RBBP6: variants seen among roughly 807,000 people sequenced by gnomAD.
RBBP6 encodes the protein RB binding protein 6, ubiquitin ligase.
A neutral mutation model predicts 167.7 loss-of-function variants in RBBP6; 25 were observed. The ratio of observed to expected loss-of-function variants is 0.15; its 90% CI spans 0.11 to 0.21. The LOEUF is 0.21. RBBP6 is among the 10% of genes least tolerant of loss of function. The pLI is 1.00. For missense variants in RBBP6, 1,868 were observed against 2,134.2 expected (o/e 0.88, Z 2.46); for synonymous variants, 789 against 735.8 (o/e 1.07, Z -1.17).
In RBBP6 at chr16:24,571,921, A is replaced by G. The variant is rs1262219843; in HGVS notation, c.4855A>G (p.Ser1619Gly). The G allele has an allele frequency of 1.9e-6, 3 of 1,614,052 alleles. No individual in the cohort carries two copies. The highest frequency in any genetic ancestry group is 3.3e-5 in the Admixed American group (2 of 60,004). ...TACTGTCAAGCCTAAACCCCAGTTAAGTCATTCCTCTAGACTTTCCTCTGA... is the reference window on the plus strand; with the variant it reads ...TACTGTCAAGCCTAAACCCCAGTTAGGTCATTCCTCTAGACTTTCCTCTGA... The part of the protein sequence containing the change: ...KSTVKPKPQL[S>G]HSSRLSSDLT... Residue 1619 changes from serine (S) to glycine (G), a missense_variant, in exon 18 of 18, where the codon AGT (serine) becomes GGT (glycine). By Grantham distance (56) the Ser-to-Gly change is moderately conservative (BLOSUM62 0). Coordinates refer to ENST00000319715, the MANE Select transcript of RBBP6 (RefSeq NM_006910.5).
At chr16:24,546,325 G>GA (rs1267285676) in intron 2 of RBBP6, 63 bp downstream of exon 2, 47 of 1,429,088 alleles carry the variant, frequency 3.3e-5, no homozygotes, top group Non-Finnish European at 3.8e-5. Flanking sequence ...AATTTTGTGA[G>GA]AAAAAACTGT....
chr16:24,544,907 C>A (rs1369726138), intron 1 of RBBP6, among the ~76,000 whole-genome samples: 1 of 152,138 alleles, frequency 6.6e-6, no homozygotes, highest in Non-Finnish European at 1.5e-5. Context: ...TTCATCTCCC[C>A]CATATTCGGT....
chr16:24,545,112 T>C (rs1426053167), intron 1 of RBBP6, among the ~76,000 whole-genome samples: 4 of 152,062 alleles, frequency 2.6e-5, no homozygotes, highest in Non-Finnish European at 5.9e-5. Context: ...AGAGTCTTGC[T>C]CTGTCACCAG....
chr16:24,567,856 A>C lies in RBBP6; in HGVS notation c.2017A>C (p.Lys673Gln). 6.2e-7 allele frequency: 1 copy of C among 1,613,798 alleles called. No individual in the cohort carries two copies. Among genetic ancestry groups the C allele is most frequent in the Non-Finnish European group, 8.5e-7 (1 of 1,179,776 alleles). ...TTTTGCTAAGGAATTGATGGAATAC[A>C]AAAAGATTCAAAAGGAGCGTAGGCG... is the stretch of plus-strand genomic sequence containing the variant. Reference protein sequence around the residue: ...NDFAKELMEYKKIQKERRRSF... With the variant: ...NDFAKELMEYQKIQKERRRSF... Residue 673 changes from lysine (K) to glutamine (Q), a missense_variant, in exon 16 of 18, where the codon AAA (lysine) becomes CAA (glutamine). Lys to Gln is a moderately conservative substitution (Grantham distance 53). Transcript: ENST00000319715.
chr16:24,550,928 C>T (rs2141460963), intron 3 of RBBP6, among the ~76,000 whole-genome samples: 1 of 151,934 alleles, frequency 6.6e-6, no homozygotes, highest in South Asian at 2.1e-4. Flanking sequence ...GTGGATTGTA[C>T]ACATTCACAA....
chr16:24,544,804 T>C (rs1459014531), intron 1 of RBBP6, among the ~76,000 whole-genome samples: 2 of 152,096 alleles, frequency 1.3e-5, no homozygotes, highest in Non-Finnish European at 2.9e-5. Flanking sequence ...TCCCTCTTGG[T>C]TTTCCCAGAA....
intron 1 of RBBP6, among the ~76,000 whole-genome samples, chr16:24,543,570 C>T (rs1898559094): frequency 6.6e-6 from 1 of 152,076 alleles, no homozygotes; most frequent in African/African-American, 2.4e-5. Context: ...TCCCAAAGTG[C>T]TGGGATTATA....
Position 24,572,391 on chromosome 16 carries a change from T to A in RBBP6, c.5325T>A (p.Asp1775Glu), listed in dbSNP as rs1166224710. The A allele has an allele frequency of 3.2e-6, 5 of 1,545,010 alleles. No homozygotes were observed. Among genetic ancestry groups the A allele is most frequent in the Non-Finnish European group, 1.7e-6 (2 of 1,145,478 alleles). The change falls in exon 18 of 18, where the codon GAT becomes GAA. Residue 1775 changes from aspartate (D) to glutamate (E), a missense_variant. Transcript: ENST00000319715. ...AAAAGAAGTCAAAGAAGAACAAAGATAAAGAGAAGGAGAAGGAGAAAGATG... is the reference window on the plus strand; with the variant it reads ...AAAAGAAGTCAAAGAAGAACAAAGAAAAAGAGAAGGAGAAGGAGAAAGATG... ...HKKKKSKKNK[D>E]KEKEKEKDDQ...
intron 10 of RBBP6, among the ~76,000 whole-genome samples, chr16:24,562,488 T>C (rs1386804150): frequency 6.6e-6 from 1 of 152,074 alleles, no homozygotes; most frequent in Non-Finnish European, 1.5e-5. Context: ...TAGTTTTGGA[T>C]AGGAGTAGTT....
At position 24,562,223 on chromosome 16, in the gene RBBP6, G is replaced by T; in HGVS notation, c.1289+62G>T. 2.8e-6 allele frequency: 4 copies of T among 1,449,528 alleles called. No individual in the cohort carries two copies. The South Asian group carries it at 3.6e-5, about 13-fold the overall frequency. 89.8% of individuals were successfully genotyped at this position (1,449,528 alleles called of 1,614,324 possible). On this transcript the variant is annotated intron_variant, in intron 10 of 17. Transcript: ENST00000319715. Reference sequence around the variant, plus strand: ...GAGGTCAATGATGTAGTGTTTTGTTGTTGGTTATCACTTTTAACAGCTTTC... The same window carrying T: ...GAGGTCAATGATGTAGTGTTTTGTTTTTGGTTATCACTTTTAACAGCTTTC...
At chr16:24,543,259 T>C (rs1052812613) in intron 1 of RBBP6, among the ~76,000 whole-genome samples, 1 of 152,060 alleles carries the variant, frequency 6.6e-6, no homozygotes, top group East Asian at 1.9e-4. Context: ...CCTTACAGTT[T>C]TGGAATTATG....
At chr16:24,556,496 G>A (rs762568277) in intron 7 of RBBP6, 49 bp downstream of exon 7, 7 of 1,544,596 alleles carry the variant, frequency 4.5e-6, no homozygotes, top group Non-Finnish European at 6.1e-6. Flanking sequence ...GTCAGTCCCA[G>A]GGTATAGTGT....
At position 24,563,599 on chromosome 16, in the gene RBBP6, T is replaced by C. The variant is rs1286956551; in HGVS notation, c.1466-11T>C. 11 of 1,612,882 alleles carry C rather than the reference T, an allele frequency of 6.8e-6. No individual in the cohort carries two copies. The highest frequency in any genetic ancestry group is 9.3e-6 in the Non-Finnish European group (11 of 1,179,746). On this transcript the variant is annotated splice_polypyrimidine_tract_variant and intron_variant, in intron 12 of 17. Coordinates refer to ENST00000319715, the MANE Select transcript of RBBP6 (RefSeq NM_006910.5). ...TTGTATTTACCTACTGCTTTTATTTTTTGTTTCTAGGTCCAGTAAGAATAA... is the reference window on the plus strand; with the variant it reads ...TTGTATTTACCTACTGCTTTTATTTCTTGTTTCTAGGTCCAGTAAGAATAA...
In RBBP6 at chr16:24,569,585, T is replaced by C; in HGVS notation, c.2895T>C (p.Gly965=). 1 of 1,612,432 alleles carries C rather than the reference T, an allele frequency of 6.2e-7. No individual in the cohort carries two copies. Residue 965 remains glycine (G), a synonymous_variant, in exon 17 of 18, where the codon GGT becomes GGC. Coordinates refer to ENST00000319715, the MANE Select transcript of RBBP6 (RefSeq NM_006910.5). ...ETSRKSREPT[G]VEENKTDSLF... ...CTAGGAAATCAAGAGAACCTACAGG[T>C]GTTGAAGAAAATAAAACAGACTCAT...
At chr16:24,552,318 A>G (rs1898816631) in intron 3 of RBBP6, among the ~76,000 whole-genome samples, 1 of 151,838 alleles carries the variant, frequency 6.6e-6, no homozygotes, top group Non-Finnish European at 1.5e-5. Context: ...GGGGCTCTTA[A>G]GTCATGTTGC....
chr16:24,561,550 C>A, intron 8 of RBBP6, 62 bp from the exon 9 acceptor site: 1 of 1,349,454 alleles, frequency 7.4e-7, no homozygotes, highest in Non-Finnish European at 1.0e-6. Flanking sequence ...CCTTTTAATT[C>A]ATTTCGTAAA....
intron 2 of RBBP6, among the ~76,000 whole-genome samples, chr16:24,547,169 A>C (rs1041203246): frequency 1.3e-5 from 2 of 152,212 alleles, no homozygotes; most frequent in African/African-American, 4.8e-5. Context: ...TGCCAGTGCT[A>C]GGGAATGGAA....
At position 24,563,510 on chromosome 16, in the gene RBBP6, G is replaced by C. The variant is rs1301553443; in HGVS notation, c.1465+9G>C. On this transcript the variant is annotated intron_variant, in intron 12 of 17. Coordinates refer to ENST00000319715, the MANE Select transcript of RBBP6 (RefSeq NM_006910.5). ...GTTGATCCCCACAACTGGTGAGTAA[G>C]ATCACTTTGGTTTAGACCTTTTTCC... 3 of 1,612,818 alleles carry C rather than the reference G, an allele frequency of 1.9e-6. No individual in the cohort carries two copies. The Admixed American group carries it at 5.0e-5, about 27-fold the overall frequency.
rs1215361673 is a variant in RBBP6, at chr16:24,563,257, A to G, written c.1348A>G (p.Thr450Ala). 6.2e-7 allele frequency: 1 copy of G among 1,611,618 alleles called. No individual in the cohort carries two copies. The highest frequency in any genetic ancestry group is 1.1e-5 in the South Asian group (1 of 90,292). Residue 450 changes from threonine to alanine, a missense_variant, in exon 11 of 18, where the codon ACC (threonine) becomes GCC (alanine). Physicochemically the swap from Thr to Ala is moderately conservative, Grantham distance 58 (BLOSUM62 0). Coordinates refer to ENST00000319715, the MANE Select transcript of RBBP6 (RefSeq NM_006910.5). ...TCTTGCATCAGAGCACTCAAAGGGA[A>G]CCTCCTCAATTGCAATTACCGCTCT... ...AALASEHSKGTSSIAITALME... is the reference protein window; with the variant it reads ...AALASEHSKGASSIAITALME...
Sources: gnomAD v4.1 joint callset for allele counts (sites outside exome capture counted in the v4.1 genomes callset) on GRCh38, gnomAD v4.1.1 for gene constraint, MANE v1.5 for transcripts, NCBI Gene and HGNC (gene_info 2026-07-23, HGNC 2026-07-21) for gene names.